The following PTPRT variants were observed in gnomAD, a reference collection of about 807,000 sequenced individuals.
PTPRT encodes protein tyrosine phosphatase receptor type T.
In PTPRT, 56 loss-of-function variants were observed where a neutral mutation model predicts 176.8. That is an observed-to-expected ratio of 0.32 (90% CI 0.26 to 0.40). PTPRT has a LOEUF of 0.40. Ranked by LOEUF, PTPRT falls within the 10% of genes least tolerant of loss-of-function variation. PTPRT has a pLI of 1.00. For missense variants in PTPRT, 1,540 were observed against 1,908.2 expected (o/e 0.81, Z 3.60); for synonymous variants, 783 against 739.0 (o/e 1.06, Z -0.96).
chr20:42,041,398 C>T, the PTPRT span, among the ~76,000 whole-genome samples: 4 of 152,080 alleles, frequency 2.6e-5, no homozygotes, highest in South Asian at 2.1e-4. Context: ...TGGGGGAGGT[C>T]GCAGGGAATA....
At chr20:42,289,517 C>A (rs190178274) in intron 12 of PTPRT, among the ~76,000 whole-genome samples, 5 of 151,864 alleles carry the variant, frequency 3.3e-5, no homozygotes, top group African/African-American at 9.7e-5. Context: ...AAGTGGCCAA[C>A]AAACATGAAA....
At chr20:43,033,130 T>A (rs2048142044) in intron 1 of PTPRT, among the ~76,000 whole-genome samples, 1 of 152,220 alleles carries the variant, frequency 6.6e-6, no homozygotes, top group Non-Finnish European at 1.5e-5. Flanking sequence ...TTACGTTGTA[T>A]CCAAATTTGC....
rs201228742 is a variant in PTPRT at position 42,573,745 on chromosome 20, C to CTTTTTTTTTTTT, written c.1154-101184_1154-101183insAAAAAAAAAAAA. On this transcript the variant is annotated intron_variant, in intron 7 of 30. Transcript: ENST00000373187. ...AAATGGCAAGACGGACCCTTTCTTT[C>CTTTTTTTTTTTT]TTTCTTTTTTTTTTTTTTTTTGAGA... Among the ~76,000 whole-genome samples, 41 of 115,458 alleles carry CTTTTTTTTTTTT rather than the reference C, an allele frequency of 3.6e-4. 4 individuals carry two copies. The highest frequency in any genetic ancestry group is 4.1e-4 in the Non-Finnish European group (24 of 59,136). The allele number at this position is 115,458 out of a possible 152,430, so 75.7% of individuals were successfully genotyped here.
chr20:43,046,072 C>A (rs1399233088), intron 1 of PTPRT, among the ~76,000 whole-genome samples: 2 of 152,104 alleles, frequency 1.3e-5, no homozygotes, highest in African/African-American at 2.4e-5. Flanking sequence ...CATGCAGCAT[C>A]TCGCAGGCCA....
intron 1 of PTPRT, among the ~76,000 whole-genome samples, chr20:43,155,612 CA>C (rs1420284342): frequency 6.6e-6 from 1 of 152,120 alleles, no homozygotes; most frequent in Non-Finnish European, 1.5e-5. Context: ...ATCTATTGCA[CA>C]GCATGGTGAC....
intron 29 of PTPRT, among the ~76,000 whole-genome samples, chr20:42,082,407 T>C (rs1478939752): frequency 1.3e-5 from 2 of 152,226 alleles, no homozygotes; most frequent in Non-Finnish European, 2.9e-5. Context: ...CCTGCATCCT[T>C]GCTGATGCTT....
At chr20:42,849,173 C>T (rs1387160909) in intron 2 of PTPRT, among the ~76,000 whole-genome samples, 1 of 152,200 alleles carries the variant, frequency 6.6e-6, no homozygotes, top group East Asian at 1.9e-4. Flanking sequence ...GGTCTATGTG[C>T]CTGTTTTTAT....
At chr20:42,214,683 A>G (rs2055726658) in intron 15 of PTPRT, among the ~76,000 whole-genome samples, 2 of 151,820 alleles carry the variant, frequency 1.3e-5, no homozygotes, top group Admixed American at 6.6e-5. Context: ...TCTCCTACCA[A>G]TCACACTCTT....
At chr20:43,082,760 C>T (rs1397671967) in intron 1 of PTPRT, among the ~76,000 whole-genome samples, 3 of 152,058 alleles carry the variant, frequency 2.0e-5, no homozygotes, top group Non-Finnish European at 4.4e-5. Context: ...TTGACCCCCC[C>T]AAGTCTTGAA....
intron 7 of PTPRT, among the ~76,000 whole-genome samples, chr20:42,489,531 C>T (rs952122786): frequency 3.3e-5 from 5 of 151,688 alleles, no homozygotes; most frequent in African/African-American, 1.2e-4. Flanking sequence ...TTTATTTTAT[C>T]CCATTCCCCA....
intron 1 of PTPRT, among the ~76,000 whole-genome samples, chr20:43,070,621 T>C (rs2011167080): frequency 1.3e-5 from 2 of 152,260 alleles, no homozygotes; most frequent in East Asian, 1.9e-4. Context: ...GTGGCACATA[T>C]ACACCATGGA....
At chr20:42,905,129 C>CA (rs1196855006) in intron 1 of PTPRT, among the ~76,000 whole-genome samples, 10 of 152,222 alleles carry the variant, frequency 6.6e-5, no homozygotes, top group East Asian at 1.9e-4. Context: ...AGTGAACAGG[C>CA]ACCTACAGAA....
chr20:43,135,563 C>T (rs1176382364), intron 1 of PTPRT, among the ~76,000 whole-genome samples: 1 of 152,116 alleles, frequency 6.6e-6, no homozygotes, highest in Admixed American at 6.5e-5. Flanking sequence ...TCCATGTGAA[C>T]ATTTACCTCC....
intron 6 of PTPRT, among the ~76,000 whole-genome samples, chr20:42,690,410 G>T (rs2075773372): frequency 6.6e-6 from 1 of 152,184 alleles, no homozygotes; most frequent in South Asian, 2.1e-4. Flanking sequence ...TCAAGTAATG[G>T]CCACGGGGCT....
rs150311248 is a variant in PTPRT, at chr20:43,132,196, T to C, written c.88+57450A>G. On this transcript the variant is annotated intron_variant, in intron 1 of 30. Coordinates refer to ENST00000373187, the MANE Select transcript of PTPRT (RefSeq NM_007050.6). ...ATTAGATAAGAACAAAATAATATAA[T>C]GAAAAAGAGATAGTAAAACTATCTT... 2.6e-3 allele frequency among the ~76,000 whole-genome samples: 400 copies of C among 152,168 alleles called. 2 individuals are homozygous for C. Among genetic ancestry groups the C allele is most frequent in the African/African-American group, 8.6e-3 (358 of 41,550 alleles).
At position 42,300,134 on chromosome 20, in the gene PTPRT, T is replaced by C. The variant is rs184231430; in HGVS notation, c.2139+15589A>G. On this transcript the variant is annotated intron_variant, in intron 12 of 30. Transcript: ENST00000373187. ...TTAGCTGGGCATGATGGCCGGTGCC[T>C]GTAATCCCAGCTACTCAGGAGGCTG... is the stretch of plus-strand genomic sequence containing the variant. Among the ~76,000 whole-genome samples the C allele has an allele frequency of 2.3e-3, 351 of 151,840 alleles. 2 individuals carry two copies. Among genetic ancestry groups the C allele is most frequent in the African/African-American group, 8.2e-3 (339 of 41,452 alleles).
intron 7 of PTPRT, among the ~76,000 whole-genome samples, chr20:42,568,005 T>C (rs2073076364): frequency 6.6e-6 from 1 of 151,682 alleles, no homozygotes; most frequent in Non-Finnish European, 1.5e-5. Context: ...AGTCTTGCTC[T>C]GTCACCCAGG....
intron 27 of PTPRT, among the ~76,000 whole-genome samples, chr20:42,094,553 G>C (rs1486994234): frequency 6.6e-6 from 1 of 152,036 alleles, no homozygotes; most frequent in Non-Finnish European, 1.5e-5. Context: ...CTCCCAAGTA[G>C]CTAGGATTAC....
chr20:42,289,920 T>C (rs1047945279), intron 12 of PTPRT, among the ~76,000 whole-genome samples: 1 of 152,090 alleles, frequency 6.6e-6, no homozygotes, highest in Non-Finnish European at 1.5e-5. Flanking sequence ...TTCTCCTAAG[T>C]TCCTAACAAC....
Sources: gnomAD v4.1 joint callset for allele counts (sites outside exome capture counted in the v4.1 genomes callset) on GRCh38, gnomAD v4.1.1 for gene constraint, MANE v1.5 for transcripts, NCBI Gene and HGNC (gene_info 2026-07-23, HGNC 2026-07-21) for gene names.